TLN2: variants seen among roughly 807,000 people sequenced by gnomAD.
The protein encoded by TLN2 is talin 2.
Under a neutral mutation model 294.7 loss-of-function variants are expected in TLN2, and 118 were observed. That is an observed-to-expected ratio of 0.40 (90% CI 0.34 to 0.47). The LOEUF (loss-of-function observed/expected upper bound fraction) is 0.47. Ranked by LOEUF, TLN2 falls within the 20% of genes least tolerant of loss-of-function variation. The pLI, the probability that TLN2 is intolerant of heterozygous loss-of-function variation, is 0.84. For synonymous variants in TLN2, 1,431 were observed against 1,304.5 expected (o/e 1.10, Z -2.09); for missense variants, 3,083 against 3,282.2 (o/e 0.94, Z 1.48).
chr15:62,748,406 G>C lies in TLN2; in HGVS notation c.4081G>C (p.Gly1361Arg). The change falls in exon 33 of 59, where the codon GGC becomes CGC. Residue 1361 changes from glycine (G) to arginine (R), a missense_variant. By Grantham distance (125) the Gly-to-Arg change is moderately radical. Transcript: ENST00000636159. ...LITLCTQQAP[G>R]QKECDNALRE... ...CACTCTGTGTACCCAACAAGCTCCG[G>C]GCCAGAAAGAGTGCGATAATGCCCT... is the stretch of plus-strand genomic sequence containing the variant. 6.8e-6 allele frequency: 11 copies of C among 1,613,986 alleles called. No individual in the cohort carries two copies. The highest frequency in any genetic ancestry group is 1.3e-5 in the African/African-American group (1 of 75,004).
intron 1 of TLN2, among the ~76,000 whole-genome samples, chr15:62,474,044 A>C (rs764575702): frequency 5.9e-5 from 9 of 152,242 alleles, no homozygotes; most frequent in Non-Finnish European, 1.2e-4. Flanking sequence ...CAGTGAGCCC[A>C]GACATGTGCC....
chr15:62,483,414 T>C (rs938639590), intron 1 of TLN2, among the ~76,000 whole-genome samples: 2 of 152,180 alleles, frequency 1.3e-5, no homozygotes, highest in African/African-American at 4.8e-5. Context: ...CAGACCTCTT[T>C]CGGGCCAGAA....
intron 3 of TLN2, among the ~76,000 whole-genome samples, chr15:62,646,266 G>A (rs944736869): frequency 3.9e-5 from 6 of 151,960 alleles, no homozygotes; most frequent in Admixed American, 2.0e-4. Flanking sequence ...GGGTTCAAGC[G>A]ATTCTCCTGT....
At chr15:62,688,582 A>C (rs1270135612) in intron 12 of TLN2, among the ~76,000 whole-genome samples, 1 of 152,078 alleles carries the variant, frequency 6.6e-6, no homozygotes, top group Non-Finnish European at 1.5e-5. Context: ...TCTGCCTGGC[A>C]GTTTTCTCAG....
intron 1 of TLN2, among the ~76,000 whole-genome samples, chr15:62,508,604 T>C (rs1259177353): frequency 1.3e-5 from 2 of 152,210 alleles, no homozygotes; most frequent in African/African-American, 4.8e-5. Flanking sequence ...TTCTATCAAG[T>C]TGAAAAGAAA....
intron 21 of TLN2, among the ~76,000 whole-genome samples, chr15:62,711,516 C>G (rs1395467885): frequency 2.0e-5 from 3 of 152,230 alleles, no homozygotes; most frequent in Admixed American, 2.0e-4. Flanking sequence ...TGTGCCAATT[C>G]TTCAAAAAGT....
chr15:62,593,444 C>A (rs1375261049), intron 2 of TLN2, among the ~76,000 whole-genome samples: 2 of 152,112 alleles, frequency 1.3e-5, no homozygotes, highest in Non-Finnish European at 2.9e-5. Flanking sequence ...CTTACTAAAC[C>A]ATGGTATAAT....
intron 54 of TLN2, among the ~76,000 whole-genome samples, chr15:62,822,455 C>T (rs2067652136): frequency 6.6e-6 from 1 of 152,226 alleles, no homozygotes; most frequent in Non-Finnish European, 1.5e-5. Context: ...AGGCAGTCTT[C>T]TGGGTACTTT....
chr15:62,630,774 G>C (rs952777986), intron 3 of TLN2, among the ~76,000 whole-genome samples: 1 of 151,852 alleles, frequency 6.6e-6, no homozygotes, highest in Admixed American at 6.6e-5. Context: ...AAACAGCTCT[G>C]TTTAACATTT....
intron 23 of TLN2, 130 bp downstream of exon 23, chr15:62,716,589 G>A: frequency 1.6e-6 from 2 of 1,275,496 alleles, no homozygotes; most frequent in Non-Finnish European, 2.1e-6. Context: ...ATTGTTTGAA[G>A]GTTTGAGTAC....
chr15:62,572,184 A>C (rs1428428721), intron 1 of TLN2, among the ~76,000 whole-genome samples: 1 of 151,618 alleles, frequency 6.6e-6, no homozygotes, highest in Non-Finnish European at 1.5e-5. Flanking sequence ...GAATTGCTTG[A>C]CAGTTCCTCC....
At chr15:62,582,246 A>ACACACACACACACACCCCCC (rs764248336) in intron 1 of TLN2, among the ~76,000 whole-genome samples, 54 of 137,308 alleles carry the variant, frequency 3.9e-4, no homozygotes, top group East Asian at 1.2e-3. Context: ...ACACACACAC[A>ACACACACACACACACCCCCC]CATTCATGCC....
chr15:62,778,205 G>C (rs557634289), intron 43 of TLN2, among the ~76,000 whole-genome samples: 1 of 152,332 alleles, frequency 6.6e-6, no homozygotes, highest in Non-Finnish European at 1.5e-5. Flanking sequence ...GGAATGCTGC[G>C]TCTCCCTTTA....
chr15:62,686,943 C>A, intron 12 of TLN2, 147 bp downstream of exon 12: 1 of 1,143,402 alleles, frequency 8.7e-7, no homozygotes, highest in Non-Finnish European at 1.2e-6. Context: ...AGCCCATGGG[C>A]AGGGAAGGGG....
rs762645976 is a variant in TLN2, at chr15:62,752,417, C to A, written c.4322C>A (p.Ala1441Asp). The A allele has an allele frequency of 6.2e-7, 1 of 1,614,116 alleles. No homozygotes were observed. Among genetic ancestry groups the A allele is most frequent in the South Asian group, 1.1e-5 (1 of 91,060 alleles). Residue 1441 changes from alanine to aspartate, a missense_variant, in exon 35 of 59, where the codon GCT (alanine) becomes GAT (aspartate). Ala to Asp is a moderately radical substitution (Grantham distance 126). Transcript: ENST00000636159. ...ASKALCGLTEAAAQAAYLVGI... is the reference protein window; with the variant it reads ...ASKALCGLTEDAAQAAYLVGI... ...AAGGCTCTCTGTGGGCTGACAGAGG[C>A]TGCAGCCCAGGTAAGGGGCTAGTCC...
chr15:62,760,953 C>G (rs1389573958), intron 37 of TLN2, among the ~76,000 whole-genome samples: 2 of 152,212 alleles, frequency 1.3e-5, no homozygotes, highest in African/African-American at 2.4e-5. Flanking sequence ...TTTCCTTATG[C>G]TCTCTCCGGT....
At chr15:62,623,900 A>G (rs1375575969) in intron 3 of TLN2, among the ~76,000 whole-genome samples, 2 of 152,156 alleles carry the variant, frequency 1.3e-5, no homozygotes, top group Admixed American at 6.5e-5. Flanking sequence ...GACCCATCAA[A>G]CTCACTGCTG....
chr15:62,559,337 A>G (rs1004619651), intron 1 of TLN2, among the ~76,000 whole-genome samples: 1 of 152,162 alleles, frequency 6.6e-6, no homozygotes, highest in Non-Finnish European at 1.5e-5. Context: ...GCGGATGTGG[A>G]CTGAGCCTAG....
In TLN2 at chr15:62,792,784, A is replaced by G. The variant is rs1251286506; in HGVS notation, c.5880A>G (p.Glu1960=). ...TCGAATGCGCCCGTGCCGTCACGGA[A>G]AAGGTAAGGAGCAGCCCTCAGTTTA... ...ELIECARAVT[E]KVSLVLSALQ... Residue 1960 remains glutamate (E), a synonymous_variant, in exon 46 of 59, where the codon GAA becomes GAG. Transcript: ENST00000636159. 4 of 1,613,842 alleles carry G rather than the reference A, an allele frequency of 2.5e-6. No individual in the cohort carries two copies. Among genetic ancestry groups the G allele is most frequent in the Non-Finnish European group, 3.4e-6 (4 of 1,180,014 alleles).
Sources: gnomAD v4.1 joint callset for allele counts (sites outside exome capture counted in the v4.1 genomes callset) on GRCh38, gnomAD v4.1.1 for gene constraint, MANE v1.5 for transcripts, NCBI Gene and HGNC (gene_info 2026-07-23, HGNC 2026-07-21) for gene names.